Variants in CEP112 observed in about 807,000 individuals in gnomAD.
CEP112 encodes the protein centrosomal protein 112, also known as centrosomal protein of 112 kDa.
In CEP112, 127 loss-of-function variants were observed where a neutral mutation model predicts 153.0. The ratio of observed to expected loss-of-function variants is 0.83; its 90% CI spans 0.72 to 0.96. The LOEUF is 0.96. CEP112 is among the 40% of genes least tolerant of loss of function. The probability of loss-of-function intolerance (pLI) is 0.00; values close to 1 mark genes in which losing one functional copy is unlikely to be tolerated. For missense variants in CEP112, 1,089 were observed against 1,101.2 expected (o/e 0.99, Z 0.16); for synonymous variants, 358 against 374.4 (o/e 0.96, Z 0.51).
At chr17:65,919,730 A>G (rs936582142) in intron 19 of CEP112, among the ~76,000 whole-genome samples, 1 of 152,172 alleles carries the variant, frequency 6.6e-6, no homozygotes, top group Non-Finnish European at 1.5e-5. Context: ...CTCCAAAAAC[A>G]CACCGCAACC....
At position 65,867,662 on chromosome 17, in the gene CEP112, A is replaced by T. The variant is rs533565051; in HGVS notation, c.2164-15628T>A. On this transcript the variant is annotated intron_variant, in intron 20 of 26. Coordinates refer to ENST00000535342, the MANE Select transcript of CEP112 (RefSeq NM_001199165.4). ...CTATTTACTTTAATGGAGCCTATAC[A>T]TTTAAATTCTCCTTACCTCTTTTTC... Among the ~76,000 whole-genome samples the T allele has an allele frequency of 2.0e-5, 3 of 152,332 alleles. No individual in the cohort carries two copies. In the East Asian group the frequency reaches 5.8e-4, roughly 29 times the overall value.
chr17:65,789,012 C>T (rs568978297), intron 21 of CEP112, among the ~76,000 whole-genome samples: 102 of 152,230 alleles, frequency 6.7e-4, no homozygotes, highest in African/African-American at 2.0e-3. Context: ...TAATCCATTC[C>T]GATAGTAAAT....
At chr17:66,157,454 G>A (rs2071494045) in intron 4 of CEP112, among the ~76,000 whole-genome samples, 1 of 152,128 alleles carries the variant, frequency 6.6e-6, no homozygotes, top group Non-Finnish European at 1.5e-5. Context: ...TCGACACTAT[G>A]AAGAAACTGC....
At chr17:66,146,926 T>C (rs183887349) in intron 4 of CEP112, among the ~76,000 whole-genome samples, 10 of 152,298 alleles carry the variant, frequency 6.6e-5, no homozygotes, top group Admixed American at 6.5e-4. Flanking sequence ...ACATTTATGT[T>C]GCTTCTACCT....
chr17:65,931,155 T>C (rs375601193), intron 18 of CEP112, among the ~76,000 whole-genome samples: 5 of 150,704 alleles, frequency 3.3e-5, no homozygotes, highest in Non-Finnish European at 7.4e-5. Context: ...TGTATTAAAT[T>C]CTTAAGGATG....
chr17:66,171,865 T>C (rs562124968), intron 4 of CEP112, among the ~76,000 whole-genome samples: 1 of 152,338 alleles, frequency 6.6e-6, no homozygotes, highest in South Asian at 2.1e-4. Context: ...ATTCTGACAT[T>C]TGACAGAGGA....
At chr17:66,074,875 A>G (rs1490402066) in intron 8 of CEP112, among the ~76,000 whole-genome samples, 23 of 135,022 alleles carry the variant, frequency 1.7e-4, no homozygotes, top group Admixed American at 6.3e-4. Flanking sequence ...AAAAAAAAGA[A>G]AAAAAAAAAA....
chr17:65,970,079 TGCC>T (rs2062611826), intron 17 of CEP112, among the ~76,000 whole-genome samples: 1 of 152,222 alleles, frequency 6.6e-6, no homozygotes, highest in Admixed American at 6.5e-5. Flanking sequence ...CAAACATGCA[TGCC>T]ACCTGCATAT....
In CEP112 at chr17:65,788,873, C is replaced by A. The variant is rs142508666; in HGVS notation, c.2395-38149G>T. On this transcript the variant is annotated intron_variant, in intron 21 of 26. Transcript: ENST00000535342. ...TAATTAAAACCTCTAACTCCTATGG[C>A]ATCTATGTCCTTATTTCCTCCTGGT... Among the ~76,000 whole-genome samples, 942 of 152,296 alleles carry A rather than the reference C, an allele frequency of 6.2e-3. 11 individuals carry two copies. Among genetic ancestry groups the A allele is most frequent in the African/African-American group, 0.021 (880 of 41,560 alleles).
At chr17:65,733,157 G>A (rs1729672602) in intron 23 of CEP112, among the ~76,000 whole-genome samples, 1 of 152,146 alleles carries the variant, frequency 6.6e-6, no homozygotes, top group South Asian at 2.1e-4. Flanking sequence ...CATCAATATT[G>A]TTGTGTCTCA....
In CEP112 at chr17:66,161,096, T is replaced by C. The variant is rs549103345; in HGVS notation, c.470+13948A>G. ...CATACGAAAAAAAGCTCATCATCAC[T>C]GGTTATTAGAGAAATGCAAATCAAA... On this transcript the variant is annotated intron_variant, in intron 4 of 26. Coordinates refer to ENST00000535342, the MANE Select transcript of CEP112 (RefSeq NM_001199165.4). Among the ~76,000 whole-genome samples the C allele has an allele frequency of 1.6e-4, 25 of 152,258 alleles. No individual in the cohort carries two copies. The South Asian group carries it at 5.2e-3, about 32-fold the overall frequency.
intron 23 of CEP112, among the ~76,000 whole-genome samples, chr17:65,704,527 A>G (rs144095653): frequency 3.9e-5 from 6 of 152,220 alleles, no homozygotes; most frequent in African/African-American, 1.4e-4. Context: ...TCCAATCATT[A>G]TGAGACAATC....
At chr17:65,961,950 C>G (rs933485718) in intron 17 of CEP112, among the ~76,000 whole-genome samples, 33 of 152,148 alleles carry the variant, frequency 2.2e-4, no homozygotes, top group Non-Finnish European at 7.4e-5. Context: ...GTTCTGATAC[C>G]TGCTACAACA....
chr17:65,796,858 C>A (rs1293000510), intron 21 of CEP112, among the ~76,000 whole-genome samples: 1 of 143,654 alleles, frequency 7.0e-6, no homozygotes, highest in Non-Finnish European at 1.5e-5. Flanking sequence ...TATGGTAAAA[C>A]CCCATCTCTA....
Position 66,175,180 on chromosome 17 carries a change from T to C in CEP112, c.334A>G (p.Lys112Glu). 5 of 1,605,974 alleles carry C rather than the reference T, an allele frequency of 3.1e-6. No individual in the cohort carries two copies. The highest frequency in any genetic ancestry group is 4.2e-6 in the Non-Finnish European group (5 of 1,177,038). The change falls in exon 4 of 27, where the codon AAA becomes GAA. Residue 112 changes from lysine (K) to glutamate (E), a missense_variant. By Grantham distance (56) the Lys-to-Glu change is moderately conservative. Coordinates refer to ENST00000535342, the MANE Select transcript of CEP112 (RefSeq NM_001199165.4). Reference protein sequence around the residue: ...YFDEPNPARAKGSSPEGLPAW... With the variant: ...YFDEPNPARAEGSSPEGLPAW... ...GGTAATCCCTCTGGGCTTGAACCTT[T>C]TGCTCGTGCTGGATTTGGTTCATCA...
In CEP112 at chr17:65,651,683, TTCTTTCC is replaced by T. The variant is rs1293512990; in HGVS notation, c.2698-10625_2698-10619del. Reference sequence around the variant, plus strand: ...TCTTTCTCCTTCCTTCCTTCCTTCCTTCTTTCCTTCCTTCCTTCCTTTCTTTTCTTTC... The same window carrying T: ...TCTTTCTCCTTCCTTCCTTCCTTCCTTTCCTTCCTTCCTTTCTTTTCTTTC... On this transcript the variant is annotated intron_variant, in intron 24 of 26. Coordinates refer to ENST00000535342, the MANE Select transcript of CEP112 (RefSeq NM_001199165.4). Among the ~76,000 whole-genome samples, 985 of 147,230 alleles carry T rather than the reference TTCTTTCC, an allele frequency of 6.7e-3. 10 individuals are homozygous for T. The highest frequency in any genetic ancestry group is 0.023 in the African/African-American group (926 of 40,222).
chr17:65,656,867 TAA>T (rs1477735088), intron 24 of CEP112, among the ~76,000 whole-genome samples: 1 of 152,226 alleles, frequency 6.6e-6, no homozygotes, highest in Non-Finnish European at 1.5e-5. Context: ...CCTTTGGTGT[TAA>T]GTCAGTCTTT....
At chr17:66,022,673 C>A (rs1187504678) in intron 16 of CEP112, among the ~76,000 whole-genome samples, 2 of 142,304 alleles carry the variant, frequency 1.4e-5, no homozygotes, top group African/African-American at 5.2e-5. Context: ...CGTGCCACTG[C>A]ACTCCAGCCT....
intron 20 of CEP112, among the ~76,000 whole-genome samples, chr17:65,865,695 C>T (rs905739592): frequency 2.0e-5 from 3 of 152,186 alleles, no homozygotes; most frequent in African/African-American, 4.8e-5. Context: ...GCAGGGTTGG[C>T]TGGGGTTGCC....
Sources: allele counts gnomAD v4.1 joint callset (sites outside exome capture counted in the v4.1 genomes callset), GRCh38; gene constraint gnomAD v4.1.1; transcripts MANE v1.5; gene names NCBI Gene and HGNC (gene_info 2026-07-23, HGNC 2026-07-21).